Variants in LCLAT1 observed in about 807,000 individuals in gnomAD.
LCLAT1 encodes lysocardiolipin acyltransferase 1.
A neutral mutation model predicts 30.7 loss-of-function variants in LCLAT1; 11 were observed. The observed-to-expected ratio is 0.36, with a 90% CI of 0.23 to 0.59. The LOEUF (loss-of-function observed/expected upper bound fraction) is 0.59, where lower values mean the gene tolerates loss of function less well. LCLAT1 is among the 20% of genes least tolerant of loss of function. The pLI, the probability that LCLAT1 is intolerant of heterozygous loss-of-function variation, is 0.77. For synonymous variants in LCLAT1, 155 were observed against 151.3 expected, an observed-to-expected ratio of 1.02 and a Z score of -0.18; for missense variants, 402 against 458.6, an observed-to-expected ratio of 0.88 and a Z score of 1.13.
intron 1 of LCLAT1, among the ~76,000 whole-genome samples, chr2:30,524,228 T>G (rs1685603773): frequency 6.6e-6 from 1 of 152,236 alleles, no homozygotes; most frequent in African/African-American, 2.4e-5. Flanking sequence ...TATGATGTTC[T>G]GGCTATGAGG....
At chr2:30,577,456 A>G (rs1666047096) in intron 5 of LCLAT1, among the ~76,000 whole-genome samples, 2 of 152,126 alleles carry the variant, frequency 1.3e-5, no homozygotes, top group South Asian at 2.1e-4. Flanking sequence ...TTGAGAATCT[A>G]TCAGAAGTGC....
intron 1 of LCLAT1, among the ~76,000 whole-genome samples, chr2:30,520,571 T>C (rs1685427135): frequency 6.6e-6 from 1 of 152,180 alleles, no homozygotes; most frequent in Non-Finnish European, 1.5e-5. Flanking sequence ...CTCAGTATCG[T>C]TATATGTAAA....
chr2:30,554,226 G>C (rs1252274302), intron 3 of LCLAT1, among the ~76,000 whole-genome samples: 1 of 152,172 alleles, frequency 6.6e-6, no homozygotes, highest in Non-Finnish European at 1.5e-5. Context: ...TTGCAATGCA[G>C]AAATACATTC....
chr2:30,475,166 A>G (rs973043139), intron 1 of LCLAT1, among the ~76,000 whole-genome samples: 1 of 151,162 alleles, frequency 6.6e-6, no homozygotes, highest in Non-Finnish European at 1.5e-5. Context: ...ACTGGTTAAT[A>G]AATTTTTTTT....
At chr2:30,569,380 A>G (rs949682291) in intron 5 of LCLAT1, among the ~76,000 whole-genome samples, 4 of 152,240 alleles carry the variant, frequency 2.6e-5, no homozygotes, top group Non-Finnish European at 5.9e-5. Flanking sequence ...AGAAAAGGTA[A>G]CTATTCGGAA....
chr2:30,596,015 C>A (rs1244269578), intron 5 of LCLAT1, among the ~76,000 whole-genome samples: 6 of 152,096 alleles, frequency 3.9e-5, no homozygotes, highest in Non-Finnish European at 5.9e-5. Context: ...TGTATATGTA[C>A]CACATTTTCT....
At chr2:30,598,592 C>A (rs1312188228) in intron 5 of LCLAT1, among the ~76,000 whole-genome samples, 3 of 151,642 alleles carry the variant, frequency 2.0e-5, no homozygotes, top group African/African-American at 7.3e-5. Context: ...TTCAAAAAAC[C>A]AGCTTGTGGA....
At chr2:30,565,926 G>A (rs1665464012) in intron 4 of LCLAT1, among the ~76,000 whole-genome samples, 2 of 152,138 alleles carry the variant, frequency 1.3e-5, no homozygotes, top group African/African-American at 4.8e-5. Flanking sequence ...AGGCATTCTG[G>A]GTGAAGGGAG....
intron 4 of LCLAT1, among the ~76,000 whole-genome samples, chr2:30,563,959 C>T (rs1226432536): frequency 6.6e-6 from 1 of 152,130 alleles, no homozygotes; most frequent in South Asian, 2.1e-4. Flanking sequence ...CTAGTCAGAT[C>T]TCTAAAATGT....
chr2:30,482,978 A>C (rs1292872425), intron 1 of LCLAT1, among the ~76,000 whole-genome samples: 1 of 152,188 alleles, frequency 6.6e-6, no homozygotes, highest in Non-Finnish European at 1.5e-5. Flanking sequence ...CAAGGGAGAC[A>C]TGATGGCTAA....
intron 5 of LCLAT1, among the ~76,000 whole-genome samples, chr2:30,593,001 C>T (rs1396660069): frequency 6.6e-6 from 1 of 152,176 alleles, no homozygotes; most frequent in East Asian, 1.9e-4. Context: ...CTCTACCATA[C>T]TAGAACTTAC....
chr2:30,595,467 C>T (rs1055391707), intron 5 of LCLAT1, among the ~76,000 whole-genome samples: 1 of 152,174 alleles, frequency 6.6e-6, no homozygotes, highest in Non-Finnish European at 1.5e-5. Context: ...CTTAGTGCCT[C>T]CTGAACACAT....
intron 3 of LCLAT1, among the ~76,000 whole-genome samples, chr2:30,549,967 A>G (rs1280174732): frequency 6.6e-6 from 1 of 152,208 alleles, no homozygotes; most frequent in Non-Finnish European, 1.5e-5. Flanking sequence ...GTTCTTCCAC[A>G]ATGAAAATAA....
intron 5 of LCLAT1, among the ~76,000 whole-genome samples, chr2:30,579,189 T>G (rs1483878979): frequency 6.6e-6 from 1 of 152,166 alleles, no homozygotes; most frequent in Non-Finnish European, 1.5e-5. Context: ...AGAACTGAAA[T>G]TAAGAAAGAC....
Position 30,526,082 on chromosome 2 carries a change from G to A in LCLAT1, c.165+327G>A, listed in dbSNP as rs376983162. ...TTGGTTGAATTCACAAATGCTGAAC[G>A]CAGGGATGTGGAGGGCTGCATGTAT... On this transcript the variant is annotated intron_variant, in intron 2 of 5. Coordinates refer to ENST00000379509, the MANE Select transcript of LCLAT1 (RefSeq NM_001002257.3). 1.8e-4 allele frequency among the ~76,000 whole-genome samples: 27 copies of A among 152,256 alleles called. No individual in the cohort carries two copies. In the East Asian group the frequency reaches 4.4e-3, roughly 25 times the overall value.
chr2:30,562,065 AAAACTG>A, intron 3 of LCLAT1, 75 bp from the exon 4 acceptor site: 1 of 987,300 alleles, frequency 1.0e-6, no homozygotes, highest in Non-Finnish European at 1.4e-6. Flanking sequence ...GTAAAACCAG[AAAACTG>A]AAATATTGTA....
chr2:30,481,669 AAAG>A (rs1213296016), intron 1 of LCLAT1, among the ~76,000 whole-genome samples: 2 of 152,156 alleles, frequency 1.3e-5, no homozygotes, highest in Non-Finnish European at 2.9e-5. Flanking sequence ...CTTTTTTGCC[AAAG>A]TGGTTTCAGT....
At chr2:30,548,696 G>A (rs749512759) in intron 3 of LCLAT1, among the ~76,000 whole-genome samples, 4 of 152,160 alleles carry the variant, frequency 2.6e-5, no homozygotes, top group Non-Finnish European at 5.9e-5. Flanking sequence ...AAAATAAAGG[G>A]ATAAGGGGAT....
At chr2:30,626,920 AT>A (rs1668539522) in intron 5 of LCLAT1, among the ~76,000 whole-genome samples, 1 of 151,996 alleles carries the variant, frequency 6.6e-6, no homozygotes, top group South Asian at 2.1e-4. Flanking sequence ...TTTATTATTT[AT>A]TTTTATGGAA....
Sources: allele counts gnomAD v4.1 joint callset (sites outside exome capture counted in the v4.1 genomes callset), GRCh38; gene constraint gnomAD v4.1.1; transcripts MANE v1.5; gene names NCBI Gene and HGNC (gene_info 2026-07-23, HGNC 2026-07-21).